Variants in WDHD1 observed in about 807,000 individuals in gnomAD.
WDHD1 encodes WD repeat and HMG-box DNA binding protein 1.
In WDHD1, 111 loss-of-function variants were observed where a neutral mutation model predicts 135.4. That is an observed-to-expected ratio of 0.82 (90% CI 0.70 to 0.96). The LOEUF is 0.96. WDHD1 is among the 40% of genes least tolerant of loss of function. WDHD1 has a pLI of 0.00. For missense variants in WDHD1, 1,351 were observed against 1,336.3 expected (o/e 1.01, Z -0.17); for synonymous variants, 434 against 439.0 (o/e 0.99, Z 0.14).
chr14:54,999,246 C>A (rs1427897046), intron 10 of WDHD1, among the ~76,000 whole-genome samples: 1 of 152,190 alleles, frequency 6.6e-6, no homozygotes, highest in African/African-American at 2.4e-5. Context: ...CCCCCTTACC[C>A]AAGACCACTC....
chr14:54,996,718 T>G (rs752335690), intron 10 of WDHD1, among the ~76,000 whole-genome samples: 2 of 124,526 alleles, frequency 1.6e-5, no homozygotes, highest in Non-Finnish European at 3.2e-5. Flanking sequence ...CAATGGAAAT[T>G]TATAGTTTGG....
In WDHD1 at chr14:55,003,587, C is replaced by CTATATATATATATATATATATATA. The variant is rs140023951; in HGVS notation, c.601-1403_601-1402insTATATATATATATATATATATATA. ...TGTATAAAAAAGAAAGAAAAACGAA[C>CTATATATATATATATATATATATA]TATATATATATAGTTGCCCAGGCTG... On this transcript the variant is annotated intron_variant, in intron 7 of 25. Coordinates refer to ENST00000360586, the MANE Select transcript of WDHD1 (RefSeq NM_007086.4). Among the ~76,000 whole-genome samples, 163 of 143,702 alleles carry CTATATATATATATATATATATATA rather than the reference C, an allele frequency of 1.1e-3. 6 individuals are homozygous for CTATATATATATATATATATATATA. The highest frequency in any genetic ancestry group is 4.1e-3 in the African/African-American group (140 of 34,296). The allele number at this position is 143,702 out of a possible 152,430, so 94.3% of individuals were successfully genotyped here.
At chr14:55,026,389 C>G (rs532069259) in intron 2 of WDHD1, among the ~76,000 whole-genome samples, 4 of 152,136 alleles carry the variant, frequency 2.6e-5, no homozygotes, top group East Asian at 3.9e-4. Flanking sequence ...CCAAACAGAA[C>G]AGGCCACTGA....
At position 55,000,894 on chromosome 14, in the gene WDHD1, G is replaced by T. The variant is rs755663977; in HGVS notation, c.792C>A (p.Cys264Ter). The change falls in exon 9 of 26, where the codon TGC becomes TGA. Residue 264 changes from cysteine (C) to a stop codon, truncating the protein, a stop_gained. Transcript: ENST00000360586. LOFTEE classifies it high-confidence loss of function. ...GATACACTAAATCATACCTTTCCAT[G>T]CAGTCTTTGGTTTCCACATTCCAAA... is the stretch of plus-strand genomic sequence containing the variant. ...IIVWNVETKD[C>*]MERVKHEKGY... 1 of 1,564,692 alleles carries T rather than the reference G, an allele frequency of 6.4e-7. No individual in the cohort carries two copies. The highest frequency in any genetic ancestry group is 8.6e-7 in the Non-Finnish European group (1 of 1,157,262).
chr14:54,981,777 C>G (rs1267210183), intron 15 of WDHD1, 81 bp from the exon 16 acceptor site: 3 of 824,186 alleles, frequency 3.6e-6, no homozygotes, highest in Admixed American at 5.6e-5. Context: ...TTATACATAC[C>G]AAGGATTCAA....
chr14:54,954,399 TA>T (rs1446801011), intron 24 of WDHD1, among the ~76,000 whole-genome samples: 12 of 152,226 alleles, frequency 7.9e-5, no homozygotes, highest in African/African-American at 2.7e-4. Flanking sequence ...CTCATATTGC[TA>T]AAGGTGTATA....
chr14:54,988,922 T>G (rs1225175642), intron 13 of WDHD1, 106 bp downstream of exon 13: 1 of 1,032,438 alleles, frequency 9.7e-7, no homozygotes, highest in South Asian at 1.8e-5. Flanking sequence ...TGAAATTTCA[T>G]ATTACAAAAA....
chr14:55,001,091 G>T, intron 8 of WDHD1, 99 bp from the exon 9 acceptor site: 2 of 750,608 alleles, frequency 2.7e-6, no homozygotes, highest in Non-Finnish European at 1.9e-6. Context: ...TTTTTTTCAA[G>T]AATTTGGAGG....
Position 54,962,738 on chromosome 14 carries a change from C to T in WDHD1, c.2647G>A (p.Gly883Arg). 1 of 1,613,688 alleles carries T rather than the reference C, an allele frequency of 6.2e-7. No homozygotes were observed. Among genetic ancestry groups the T allele is most frequent in the Non-Finnish European group, 8.5e-7 (1 of 1,179,754 alleles). Residue 883 changes from glycine to arginine, a missense_variant and splice_region_variant, in exon 20 of 26, where the codon GGA becomes AGA. Gly to Arg is a moderately radical substitution (Grantham distance 125). Transcript: ENST00000360586. ...TTATGGGCTTGAAAATGTATCTCAC[C>T]AGGCTTATGTATTTCTGGTTTTTCT... ...DEEKPEIHKP[G>R]QNSFSKSTNS...
At chr14:54,988,362 A>G (rs1245795478) in intron 13 of WDHD1, among the ~76,000 whole-genome samples, 1 of 152,220 alleles carries the variant, frequency 6.6e-6, no homozygotes, top group Non-Finnish European at 1.5e-5. Flanking sequence ...TGGGTGATAA[A>G]GACGTAGTGA....
At chr14:54,957,836 T>A (rs775084538) in intron 21 of WDHD1, among the ~76,000 whole-genome samples, 6 of 152,224 alleles carry the variant, frequency 3.9e-5, no homozygotes, top group Non-Finnish European at 7.3e-5. Flanking sequence ...CACCCCAACG[T>A]GCCACTATGA....
At chr14:54,948,700 C>A (rs1248021376) in intron 24 of WDHD1, among the ~76,000 whole-genome samples, 1 of 152,204 alleles carries the variant, frequency 6.6e-6, no homozygotes, top group Non-Finnish European at 1.5e-5. Context: ...CAGACTGCCT[C>A]CTCAGTGACA....
At chr14:54,946,615 T>C (rs2040930084) in intron 24 of WDHD1, among the ~76,000 whole-genome samples, 1 of 152,080 alleles carries the variant, frequency 6.6e-6, no homozygotes, top group African/African-American at 2.4e-5. Flanking sequence ...TCTCAAGCAG[T>C]TGGGACTACA....
At chr14:54,985,301 CAGAA>C (rs1394652811) in intron 14 of WDHD1, among the ~76,000 whole-genome samples, 3 of 152,300 alleles carry the variant, frequency 2.0e-5, no homozygotes, top group Admixed American at 6.5e-5. Flanking sequence ...AGTGACCTCT[CAGAA>C]AGTAAAGTTT....
rs754094941 is a variant in WDHD1 at position 54,984,750 on chromosome 14, G to A, written c.1879C>T (p.Leu627Phe). The A allele has an allele frequency of 6.2e-7, 1 of 1,612,848 alleles. No homozygotes were observed. The highest frequency in any genetic ancestry group is 8.5e-7 in the Non-Finnish European group (1 of 1,179,678). Residue 627 changes from leucine to phenylalanine, a missense_variant, in exon 15 of 26, where the codon CTT (leucine) becomes TTT (phenylalanine). Leu to Phe is a conservative substitution (Grantham distance 22, BLOSUM62 0). Transcript: ENST00000360586. Reference sequence around the variant, plus strand: ...TCAGCTGAAAACCCAATCCATGCAAGGTAGGATTTCCTTGTAAGAGGAAGA... The same window carrying A: ...TCAGCTGAAAACCCAATCCATGCAAAGTAGGATTTCCTTGTAAGAGGAAGA... ...DPLPLTRKSY[L>F]AWIGFSAEGT...
chr14:54,988,099 C>T (rs1427885280), intron 13 of WDHD1, among the ~76,000 whole-genome samples: 1 of 152,078 alleles, frequency 6.6e-6, no homozygotes, highest in African/African-American at 2.4e-5. Context: ...ATTGCTTTCC[C>T]ATCATAATTT....
At position 54,957,619 on chromosome 14, in the gene WDHD1, G is replaced by A. The variant is rs2041182379; in HGVS notation, c.2718C>T (p.Ser906=). 1 of 1,607,774 alleles carries A rather than the reference G, an allele frequency of 6.2e-7. No homozygotes were observed. Among genetic ancestry groups the A allele is most frequent in the South Asian group, 1.1e-5 (1 of 89,406 alleles). Residue 906 remains serine, a synonymous_variant, in exon 22 of 26, where the codon AGC becomes AGT. Coordinates refer to ENST00000360586, the MANE Select transcript of WDHD1 (RefSeq NM_007086.4). ...TAAAGGGATTTACTCGTCCTTGGCT[G>A]CTAAAGGTAACTGCACCTTTCACAA... ...VSAKSGAVTF[S]SQGRVNPFKV...
Position 55,008,633 on chromosome 14 carries a change from G to C in WDHD1, c.428C>G (p.Ser143Cys). The C allele has an allele frequency of 1.2e-6, 2 of 1,610,342 alleles. No individual in the cohort carries two copies. Reference sequence around the variant, plus strand: ...CAGAAAGATGTCCTTAGGATCAAAGGAAAGACTTAAAACAGGGGCATCATG... The same window carrying C: ...CAGAAAGATGTCCTTAGGATCAAAGCAAAGACTTAAAACAGGGGCATCATG... ...RGHDAPVLSL[S>C]FDPKDIFLAS... The change falls in exon 5 of 26, where the codon TCC becomes TGC. Residue 143 changes from serine (S) to cysteine (C), a missense_variant. Physicochemically the swap from Ser to Cys is moderately radical, Grantham distance 112. This residue lies in a region of WDHD1 where 1,330 missense variants were observed against 1,296.1 expected (regional missense o/e 1.03). Transcript: ENST00000360586.
intron 7 of WDHD1, among the ~76,000 whole-genome samples, chr14:55,005,839 C>CA (rs2140219373): frequency 6.7e-6 from 1 of 149,472 alleles, no homozygotes; most frequent in African/African-American, 2.5e-5. Flanking sequence ...ACTTTGTTTT[C>CA]TTTTTTTTTT....
Sources: allele counts gnomAD v4.1 joint callset (sites outside exome capture counted in the v4.1 genomes callset), GRCh38; gene constraint gnomAD v4.1.1; regional missense constraint gnomAD v4.1.1; transcripts MANE v1.5; gene names NCBI Gene and HGNC (gene_info 2026-07-23, HGNC 2026-07-21).